Variants in DNAJC10 observed in about 807,000 individuals in gnomAD.
The protein encoded by DNAJC10 is endoplasmic reticulum disulfide reductase DNAJC10.
Under a neutral mutation model 115.0 loss-of-function variants are expected in DNAJC10, and 101 were observed. The observed-to-expected ratio is 0.88, with a 90% CI of 0.75 to 1.04. The LOEUF (loss-of-function observed/expected upper bound fraction) is 1.04. Among genes scored for constraint, DNAJC10 ranks in the 50% least tolerant of loss-of-function variants. The pLI, the probability that DNAJC10 is intolerant of heterozygous loss-of-function variation, is 0.00. For synonymous variants in DNAJC10, 307 were observed against 301.5 expected (o/e 1.02, Z -0.19); for missense variants, 981 against 928.8 (o/e 1.06, Z -0.73).
At chr2:182,731,464 CTT>C (rs772736626) in intron 9 of DNAJC10, among the ~76,000 whole-genome samples, 216 of 152,140 alleles carry the variant, frequency 1.4e-3, no homozygotes, top group Non-Finnish European at 2.7e-3. Flanking sequence ...GAAATATGGA[CTT>C]TGCTTCATGC....
chr2:182,729,458 C>A (rs927267144), intron 7 of DNAJC10, among the ~76,000 whole-genome samples: 1 of 152,116 alleles, frequency 6.6e-6, no homozygotes, highest in African/African-American at 2.4e-5. Context: ...AAAAAAAACA[C>A]CATTGACTTT....
Position 182,726,623 on chromosome 2 carries a change from C to T in DNAJC10, c.419-1953C>T, listed in dbSNP as rs111487161. 7.9e-3 allele frequency among the ~76,000 whole-genome samples: 1,207 copies of T among 152,274 alleles called. 6 individuals carry two copies. Among genetic ancestry groups the T allele is most frequent in the South Asian group, 0.032 (153 of 4,824 alleles). ...ATTGTCATCTCATTTTAAGAAATTG[C>T]CACAGCCACCCCAACCTTACACAAC... On this transcript the variant is annotated intron_variant, in intron 5 of 23. Coordinates refer to ENST00000264065, the MANE Select transcript of DNAJC10 (RefSeq NM_018981.4).
chr2:182,790,828 C>T lies in DNAJC10; in HGVS notation c.*13696C>T, dbSNP rs1695036735. 1.3e-5 allele frequency: 2 copies of T among 151,294 alleles called. No homozygotes were observed. Among genetic ancestry groups the T allele is most frequent in the Admixed American group, 1.3e-4 (2 of 15,120 alleles). 9.4% of individuals were successfully genotyped at this position (151,294 alleles called of 1,614,324 possible). A position where few individuals can be genotyped will look rare whatever the true frequency, so the allele number is the denominator to read the frequency against. ...AAAATTACAATAGTAATAATTATGCCTTCTAACACTAAAATCAAATAACCT... is the reference window on the plus strand; with the variant it reads ...AAAATTACAATAGTAATAATTATGCTTTCTAACACTAAAATCAAATAACCT... On this transcript the variant is annotated 3_prime_UTR_variant, in exon 24 of 24. Transcript: ENST00000264065.
intron 22 of DNAJC10, among the ~76,000 whole-genome samples, chr2:182,766,433 G>A (rs755096554): frequency 1.3e-5 from 2 of 152,156 alleles, no homozygotes; most frequent in Non-Finnish European, 1.5e-5. Flanking sequence ...CTTCACATGT[G>A]CAAGATTTAA....
At chr2:182,737,313 T>A (rs1021863046) in intron 11 of DNAJC10, among the ~76,000 whole-genome samples, 5 of 152,162 alleles carry the variant, frequency 3.3e-5, no homozygotes, top group African/African-American at 9.7e-5. Flanking sequence ...TCTCCCTTAG[T>A]TTTCCCTCTG....
At chr2:182,718,777 C>T in intron 3 of DNAJC10, among the ~76,000 whole-genome samples, 2 of 152,278 alleles carry the variant, frequency 1.3e-5, no homozygotes, top group South Asian at 4.1e-4. Flanking sequence ...ATTAATACTT[C>T]ACAGCAGCTG....
intron 22 of DNAJC10, among the ~76,000 whole-genome samples, chr2:182,765,422 A>G (rs544937715): frequency 3.9e-5 from 6 of 152,278 alleles, no homozygotes; most frequent in African/African-American, 1.4e-4. Flanking sequence ...CATGACTCCA[A>G]TAAACATGTT....
intron 11 of DNAJC10, among the ~76,000 whole-genome samples, chr2:182,739,192 A>G (rs896408374): frequency 4.2e-5 from 6 of 143,526 alleles, no homozygotes; most frequent in Admixed American, 2.1e-4. Flanking sequence ...TATATATCAT[A>G]TATATTTATA....
At chr2:182,730,472 C>T in intron 8 of DNAJC10, 2 of 418,268 alleles carry the variant, frequency 4.8e-6, no homozygotes, top group South Asian at 1.8e-5. Flanking sequence ...CCATCAGTGA[C>T]TTCATTAGTG....
chr2:182,740,598 T>G (rs564036328), intron 12 of DNAJC10, among the ~76,000 whole-genome samples: 1 of 152,294 alleles, frequency 6.6e-6, no homozygotes, highest in Admixed American at 6.5e-5. Flanking sequence ...CTGGAAAACC[T>G]ACTCAGTCCT....
Position 182,777,384 on chromosome 2 carries a change from G to C in DNAJC10, c.*252G>C, listed in dbSNP as rs115063714. ...GTTCACACATGAGAACAAGAATAGA[G>C]TCATCATGTATTCTTTGTTATTTGC... is the stretch of plus-strand genomic sequence containing the variant. On this transcript the variant is annotated 3_prime_UTR_variant, in exon 24 of 24. Transcript: ENST00000264065. The C allele has an allele frequency of 2.8e-5, 8 of 290,796 alleles. No homozygotes were observed. The highest frequency in any genetic ancestry group is 4.5e-5 in the Non-Finnish European group (7 of 154,402). The allele number at this position is 290,796 out of a possible 1,614,324, so 18.0% of individuals were successfully genotyped here. A position where few individuals can be genotyped will look rare whatever the true frequency, so the allele number is the denominator to read the frequency against.
intron 22 of DNAJC10, among the ~76,000 whole-genome samples, chr2:182,773,074 T>G (rs796694537): frequency 6.6e-6 from 1 of 152,212 alleles, no homozygotes; most frequent in Non-Finnish European, 1.5e-5. Context: ...GTAAAGGATT[T>G]TATTTCTCCT....
At position 182,782,951 on chromosome 2, in the gene DNAJC10, G is replaced by A. The variant is rs980449512; in HGVS notation, c.*5819G>A. The stretch of plus-strand genomic sequence containing the variant: ...CCTGGCCAGAACTTCCAGTACATAG[G>A]AGTGGTGAGAGAGGGCATCCTTGTC... On this transcript the variant is annotated 3_prime_UTR_variant, in exon 24 of 24. Transcript: ENST00000264065. 2.6e-5 allele frequency: 4 copies of A among 151,996 alleles called. No homozygotes were observed. Among genetic ancestry groups the A allele is most frequent in the African/African-American group, 4.8e-5 (2 of 41,394 alleles). 9.4% of individuals were successfully genotyped at this position (151,996 alleles called of 1,614,324 possible).
chr2:182,729,103 A>G (rs556926161), intron 7 of DNAJC10, 109 bp downstream of exon 7: 1 of 1,166,944 alleles, frequency 8.6e-7, no homozygotes, highest in East Asian at 2.4e-5. Context: ...GTCTTGTTTT[A>G]CAAGGTGCCA....
chr2:182,727,800 G>A (rs774112210), intron 5 of DNAJC10, among the ~76,000 whole-genome samples: 60 of 152,168 alleles, frequency 3.9e-4, no homozygotes, highest in Admixed American at 3.2e-3. Flanking sequence ...GATTAACCTC[G>A]CCTTTTTATC....
intron 2 of DNAJC10, 59 bp from the exon 3 acceptor site, chr2:182,717,882 A>C: frequency 2.4e-6 from 1 of 410,926 alleles, no homozygotes; most frequent in Non-Finnish European, 4.3e-6. Context: ...GTGATAAATA[A>C]ATTGTGCTAT....
At chr2:182,760,479 G>C (rs777522674) in intron 21 of DNAJC10, among the ~76,000 whole-genome samples, 33 of 152,054 alleles carry the variant, frequency 2.2e-4, no homozygotes, top group Non-Finnish European at 4.1e-4. Flanking sequence ...ATCTTCCTTT[G>C]TAAATGGCTG....
chr2:182,742,111 C>T (rs921691861), intron 13 of DNAJC10, among the ~76,000 whole-genome samples: 5 of 152,106 alleles, frequency 3.3e-5, no homozygotes, highest in Admixed American at 6.6e-5. Flanking sequence ...TTAGGAAATC[C>T]TCTCTTACTG....
Position 182,729,003 on chromosome 2 carries a change from T to C in DNAJC10, c.633+9T>C, listed in dbSNP as rs758086316. Reference sequence around the variant, plus strand: ...TTTTTCGGTCTGGAATGGTAAGGGATAAAGTTAGCATTTTTTAAATTTGTG... The same window carrying C: ...TTTTTCGGTCTGGAATGGTAAGGGACAAAGTTAGCATTTTTTAAATTTGTG... On this transcript the variant is annotated intron_variant, in intron 7 of 23. Transcript: ENST00000264065. 2 of 1,613,102 alleles carry C rather than the reference T, an allele frequency of 1.2e-6. No individual in the cohort carries two copies. The highest frequency in any genetic ancestry group is 1.7e-6 in the Non-Finnish European group (2 of 1,179,480).
Sources: allele counts gnomAD v4.1 joint callset (sites outside exome capture counted in the v4.1 genomes callset), GRCh38; gene constraint gnomAD v4.1.1; transcripts MANE v1.5; gene names NCBI Gene and HGNC (gene_info 2026-07-23, HGNC 2026-07-21).